COG6: variants seen among roughly 807,000 people sequenced by gnomAD.
The protein encoded by COG6 is conserved oligomeric Golgi complex subunit 6.
In COG6, 74 loss-of-function variants were observed where a neutral mutation model predicts 88.8. The observed-to-expected ratio is 0.83, with a 90% CI of 0.69 to 1.01. The LOEUF is 1.01. Ranked by LOEUF, COG6 falls within the 50% of genes least tolerant of loss-of-function variation. The pLI, the probability that COG6 is intolerant of heterozygous loss-of-function variation, is 0.00. For synonymous variants in COG6, 286 were observed against 278.7 expected (o/e 1.03, Z -0.26); for missense variants, 800 against 797.9 (o/e 1.00, Z -0.03).
intron 13 of COG6, among the ~76,000 whole-genome samples, chr13:39,716,605 T>G (rs1878542444): frequency 6.6e-6 from 1 of 152,084 alleles, no homozygotes; most frequent in Admixed American, 6.6e-5. Flanking sequence ...TTACACTGAG[T>G]AGATACTTTC....
chr13:39,737,289 C>G (rs750369651), intron 18 of COG6, among the ~76,000 whole-genome samples: 1 of 152,106 alleles, frequency 6.6e-6, no homozygotes, highest in Non-Finnish European at 1.5e-5. Flanking sequence ...AGCATTGGGT[C>G]TTGCCCAAGG....
rs550893962 is a variant in COG6 at position 39,761,676 on chromosome 13, C to T, written c.1827-26659C>T. 1.4e-4 allele frequency among the ~76,000 whole-genome samples: 21 copies of T among 150,970 alleles called. No homozygotes were observed. The East Asian group carries it at 3.7e-3, about 27-fold the overall frequency. Reference sequence around the variant, plus strand: ...CATACAAGGACCTCAAACAACTGAGCAACAACAACAAAAATATCCAATTTT... The same window carrying T: ...CATACAAGGACCTCAAACAACTGAGTAACAACAACAAAAATATCCAATTTT... On this transcript the variant is annotated intron_variant, in intron 18 of 18. Transcript: ENST00000416691.
At position 39,752,061 on chromosome 13, in the gene COG6, T is replaced by C. The variant is rs1485702696; in HGVS notation, c.*968T>C. The C allele has an allele frequency of 5.4e-6, 7 of 1,286,106 alleles. No homozygotes were observed. The African/African-American group carries it at 7.6e-5, about 14-fold the overall frequency. 79.7% of individuals were successfully genotyped at this position (1,286,106 alleles called of 1,614,324 possible). A position where few individuals can be genotyped will look rare whatever the true frequency, so the allele number is the denominator to read the frequency against. On this transcript the variant is annotated 3_prime_UTR_variant, in exon 19 of 19. Coordinates refer to ENST00000455146, the MANE Select transcript of COG6 (RefSeq NM_020751.3). The stretch of plus-strand genomic sequence containing the variant: ...CCATGTTGTAACTGGACTCTGACTT[T>C]AGACCATTACCTATTAGGAAGATTA...
intron 18 of COG6, among the ~76,000 whole-genome samples, chr13:39,777,370 C>A (rs1881495595): frequency 6.6e-6 from 1 of 152,042 alleles, no homozygotes; most frequent in Non-Finnish European, 1.5e-5. Context: ...TAACCTGATT[C>A]CTGTAAGAAT....
At chr13:39,708,790 A>G (rs1305301653) in intron 13 of COG6, among the ~76,000 whole-genome samples, 3 of 152,168 alleles carry the variant, frequency 2.0e-5, no homozygotes, top group Non-Finnish European at 4.4e-5. Context: ...CTTTGTCCTT[A>G]GCTACATATG....
At chr13:39,738,197 G>A (rs1879864898) in intron 18 of COG6, among the ~76,000 whole-genome samples, 1 of 152,020 alleles carries the variant, frequency 6.6e-6, no homozygotes, top group African/African-American at 2.4e-5. Context: ...CCTGCTTGGG[G>A]GACGATCTCT....
chr13:39,749,608 C>T (rs958141167), intron 18 of COG6, among the ~76,000 whole-genome samples: 3 of 152,128 alleles, frequency 2.0e-5, no homozygotes, highest in Non-Finnish European at 4.4e-5. Context: ...GTAATTATTT[C>T]TAGCTCTAAA....
At chr13:39,722,229 C>T (rs117768678) in intron 15 of COG6, among the ~76,000 whole-genome samples, 2 of 151,610 alleles carry the variant, frequency 1.3e-5, no homozygotes, top group East Asian at 1.9e-4. Context: ...TGAGTGTTTA[C>T]CTTTGCGCAC....
chr13:39,775,654 C>A (rs562507579), intron 18 of COG6, among the ~76,000 whole-genome samples: 1 of 152,040 alleles, frequency 6.6e-6, no homozygotes, highest in African/African-American at 2.4e-5. Flanking sequence ...TAATGTAGTT[C>A]TTTTTCATGT....
At chr13:39,774,495 A>ATTTACT (rs1472976857) in intron 18 of COG6, among the ~76,000 whole-genome samples, 1 of 151,938 alleles carries the variant, frequency 6.6e-6, no homozygotes, top group Non-Finnish European at 1.5e-5. Context: ...TTTGTTTATA[A>ATTTACT]TTTACTTTTA....
chr13:39,673,498 CT>C (rs2137973908), intron 4 of COG6, among the ~76,000 whole-genome samples: 1 of 151,850 alleles, frequency 6.6e-6, no homozygotes, highest in African/African-American at 2.4e-5. Context: ...AAAGTTTCTT[CT>C]TTTTTTCTAT....
intron 18 of COG6, among the ~76,000 whole-genome samples, chr13:39,767,702 G>C (rs558311647): frequency 6.6e-6 from 1 of 152,246 alleles, no homozygotes; most frequent in Admixed American, 6.5e-5. Context: ...AGACTTGTGC[G>C]GCTGCTTGGA....
intron 18 of COG6, among the ~76,000 whole-genome samples, chr13:39,768,362 C>T (rs1266993462): frequency 6.6e-6 from 1 of 152,212 alleles, no homozygotes; most frequent in South Asian, 2.1e-4. Flanking sequence ...GGTGGCTTAG[C>T]ACTGCCACAG....
At chr13:39,787,180 A>G (rs1421067251) in intron 18 of COG6, among the ~76,000 whole-genome samples, 1 of 152,116 alleles carries the variant, frequency 6.6e-6, no homozygotes, top group East Asian at 1.9e-4. Context: ...GGAGTGAAAA[A>G]GAGAGTGTGG....
intron 18 of COG6, 95 bp downstream of exon 18, chr13:39,727,643 A>G: frequency 1.1e-6 from 1 of 911,226 alleles, no homozygotes; most frequent in Non-Finnish European, 1.8e-6. Flanking sequence ...TCAAGAATAA[A>G]TGATTTACCA....
intron 18 of COG6, 142 bp downstream of exon 18, chr13:39,727,690 G>T: frequency 1.4e-6 from 1 of 726,876 alleles, no homozygotes; most frequent in Non-Finnish European, 2.5e-6. Flanking sequence ...CTTCTGCCTT[G>T]GCATGCCAAA....
chr13:39,733,070 C>CAA (rs991124914), intron 18 of COG6, among the ~76,000 whole-genome samples: 1 of 134,510 alleles, frequency 7.4e-6, no homozygotes, highest in Admixed American at 7.5e-5. Context: ...AATGATCGAT[C>CAA]AAAAAAAAAA....
At chr13:39,745,114 G>A (rs961392485) in intron 18 of COG6, among the ~76,000 whole-genome samples, 7 of 152,242 alleles carry the variant, frequency 4.6e-5, no homozygotes, top group South Asian at 2.1e-4. Flanking sequence ...AGACTTAAAC[G>A]TTAGACCTAA....
intron 5 of COG6, among the ~76,000 whole-genome samples, chr13:39,678,622 C>G (rs994999969): frequency 6.6e-6 from 1 of 151,430 alleles, no homozygotes; most frequent in Non-Finnish European, 1.5e-5. Context: ...ATCTTTTGGT[C>G]TTCTCGCTGG....
Sources: gnomAD v4.1 joint callset for allele counts (sites outside exome capture counted in the v4.1 genomes callset) on GRCh38, gnomAD v4.1.1 for gene constraint, MANE v1.5 for transcripts, NCBI Gene and HGNC (gene_info 2026-07-23, HGNC 2026-07-21) for gene names.